The following MTUS2 variants were observed in gnomAD, a reference collection of about 807,000 sequenced individuals.
The protein encoded by MTUS2 is microtubule-associated tumor suppressor candidate 2.
A neutral mutation model predicts 114.1 loss-of-function variants in MTUS2; 40 were observed. That is an observed-to-expected ratio of 0.35 (90% CI 0.27 to 0.46). The LOEUF (loss-of-function observed/expected upper bound fraction) is 0.46. Ranked by LOEUF, MTUS2 falls within the 20% of genes least tolerant of loss-of-function variation. MTUS2 has a pLI of 1.00. For synonymous variants in MTUS2, 688 were observed against 672.0 expected, an observed-to-expected ratio of 1.02 and a Z score of -0.37; for missense variants, 1,679 against 1,705.4, an observed-to-expected ratio of 0.98 and a Z score of 0.27.
intron 2 of MTUS2, among the ~76,000 whole-genome samples, chr13:28,905,734 G>T (rs1408817071): frequency 6.7e-6 from 1 of 149,072 alleles, no homozygotes; most frequent in Admixed American, 6.7e-5. Flanking sequence ...TTGTGTCTCT[G>T]CCAGGCTTTG....
chr13:29,419,561 C>G (rs1226486527), intron 8 of MTUS2, among the ~76,000 whole-genome samples: 1 of 152,194 alleles, frequency 6.6e-6, no homozygotes, highest in African/African-American at 2.4e-5. Context: ...GGCCTTCCCA[C>G]ATGTCTCCAT....
intron 9 of MTUS2, among the ~76,000 whole-genome samples, chr13:29,448,987 C>T (rs1422413726): frequency 1.3e-5 from 2 of 152,004 alleles, no homozygotes; most frequent in Non-Finnish European, 2.9e-5. Flanking sequence ...CTCCTGACCT[C>T]AAGTGATCCG....
chr13:29,501,499 TG>T (rs1882900569), intron 15 of MTUS2, among the ~76,000 whole-genome samples: 1 of 152,080 alleles, frequency 6.6e-6, no homozygotes, highest in Non-Finnish European at 1.5e-5. Context: ...GCCAGCTGGG[TG>T]TTCCCAGGCT....
At chr13:29,305,181 G>T (rs564948310) in intron 6 of MTUS2, among the ~76,000 whole-genome samples, 56 of 152,152 alleles carry the variant, frequency 3.7e-4, no homozygotes, top group Non-Finnish European at 7.2e-4. Flanking sequence ...ATGTCAAAAA[G>T]CTAGAAAGAT....
chr13:29,432,339 T>C (rs1409233684), intron 8 of MTUS2, among the ~76,000 whole-genome samples: 1 of 152,158 alleles, frequency 6.6e-6, no homozygotes, highest in African/African-American at 2.4e-5. Context: ...CCAGGAGCTC[T>C]ACATGCACAG....
At chr13:29,265,276 A>G (rs187439167) in intron 5 of MTUS2, among the ~76,000 whole-genome samples, 6 of 152,256 alleles carry the variant, frequency 3.9e-5, no homozygotes, top group African/African-American at 1.4e-4. Flanking sequence ...ATTCCAATAC[A>G]TTCCTCATTT....
rs1305686988 is a variant in MTUS2, at chr13:29,399,129, G to A, written c.3117+39656G>A. Among the ~76,000 whole-genome samples, 4 of 152,166 alleles carry A rather than the reference G, an allele frequency of 2.6e-5. No homozygotes were observed. The East Asian group carries it at 7.7e-4, about 29-fold the overall frequency. On this transcript the variant is annotated intron_variant, in intron 8 of 15. Transcript: ENST00000612955. ...TTGATGATATGCTAAACAAGTGGTG[G>A]ATTATTCATGCTTCCCCTTTATAGA...
At chr13:29,394,147 A>G (rs958582251) in intron 8 of MTUS2, among the ~76,000 whole-genome samples, 10 of 152,218 alleles carry the variant, frequency 6.6e-5, no homozygotes, top group African/African-American at 2.2e-4. Flanking sequence ...TAAAATATTT[A>G]AAGAGGTTTA....
In MTUS2 at chr13:29,439,943, A is replaced by G. The variant is rs1292583652; in HGVS notation, c.3118-40A>G. 2.7e-6 allele frequency: 4 copies of G among 1,495,024 alleles called. No individual in the cohort carries two copies. In the East Asian group the frequency reaches 9.6e-5, roughly 36 times the overall value. 92.6% of individuals were successfully genotyped at this position (1,495,024 alleles called of 1,614,324 possible). A position where few individuals can be genotyped will look rare whatever the true frequency, so the allele number is the denominator to read the frequency against. ...TCATGTGAAAGTGCTTATCTAGCATAAAACTAGGGGACTCTCGGTATCCGT... is the reference window on the plus strand; with the variant it reads ...TCATGTGAAAGTGCTTATCTAGCATGAAACTAGGGGACTCTCGGTATCCGT... On this transcript the variant is annotated intron_variant, in intron 8 of 15. Transcript: ENST00000612955.
At chr13:29,295,300 T>G (rs1898891820) in intron 6 of MTUS2, among the ~76,000 whole-genome samples, 1 of 152,184 alleles carries the variant, frequency 6.6e-6, no homozygotes, top group African/African-American at 2.4e-5. Context: ...TTCTAGCTAT[T>G]TGAGAATATC....
chr13:29,043,080 A>G (rs867614950), intron 4 of MTUS2, among the ~76,000 whole-genome samples: 19 of 151,424 alleles, frequency 1.3e-4, no homozygotes, highest in Admixed American at 7.9e-4. Flanking sequence ...CCTTTTTCCA[A>G]TTTTTTGATG....
At chr13:29,144,302 CA>C (rs2139013265) in intron 5 of MTUS2, among the ~76,000 whole-genome samples, 1 of 152,076 alleles carries the variant, frequency 6.6e-6, no homozygotes, top group Non-Finnish European at 1.5e-5. Flanking sequence ...TTCAGGGTCT[CA>C]GAAAGCTGCA....
intron 5 of MTUS2, among the ~76,000 whole-genome samples, chr13:29,218,344 C>G (rs192910174): frequency 1.3e-5 from 2 of 152,208 alleles, no homozygotes; most frequent in African/African-American, 4.8e-5. Flanking sequence ...TTCTACCACA[C>G]ACAGTGACTT....
intron 2 of MTUS2, among the ~76,000 whole-genome samples, chr13:28,939,276 CT>C (rs1882093146): frequency 6.6e-6 from 1 of 152,160 alleles, no homozygotes; most frequent in African/African-American, 2.4e-5. Context: ...AAGCCAGTAT[CT>C]TTACAGCCAC....
intron 8 of MTUS2, among the ~76,000 whole-genome samples, chr13:29,439,542 A>G (rs1378322293): frequency 1.3e-5 from 2 of 152,216 alleles, no homozygotes; most frequent in Non-Finnish European, 1.5e-5. Context: ...TGTATGGACA[A>G]AAGGGTAAGT....
chr13:29,209,917 C>G (rs950070747), intron 5 of MTUS2, among the ~76,000 whole-genome samples: 15 of 152,156 alleles, frequency 9.9e-5, no homozygotes, highest in African/African-American at 3.4e-4. Flanking sequence ...AGGCAATTAT[C>G]TTTTTGCAAT....
intron 8 of MTUS2, among the ~76,000 whole-genome samples, chr13:29,438,173 G>A (rs887969577): frequency 5.9e-5 from 9 of 152,278 alleles, no homozygotes; most frequent in African/African-American, 1.7e-4. Flanking sequence ...CACAGTGGGT[G>A]TAGCATTAGA....
Position 29,071,409 on chromosome 13 carries a change from A to ATTT in MTUS2, c.2447-29332_2447-29330dup, listed in dbSNP as rs751020009. Among the ~76,000 whole-genome samples, 103 of 46,142 alleles carry ATTT rather than the reference A, an allele frequency of 2.2e-3. 21 individuals are homozygous for ATTT. Among genetic ancestry groups the ATTT allele is most frequent in the African/African-American group, 7.7e-3 (71 of 9,168 alleles). The allele number at this position is 46,142 out of a possible 152,430, so 30.3% of individuals were successfully genotyped here. ...TTTAAAAGATCTCTATGTTGCTTGA[A>ATTT]TTTTTTTTTTTTTTTTTTTTTTTTT... On this transcript the variant is annotated intron_variant, in intron 4 of 15. Coordinates refer to ENST00000612955, the MANE Select transcript of MTUS2 (RefSeq NM_001033602.4).
chr13:29,230,598 CAACTTCCTCAT>C (rs1173783478), intron 5 of MTUS2, among the ~76,000 whole-genome samples: 10 of 152,228 alleles, frequency 6.6e-5, no homozygotes, highest in African/African-American at 1.9e-4. Context: ...CTGATATAAG[CAACTTCCTCAT>C]AGTCAGAAGC....
Sources: allele counts gnomAD v4.1 joint callset (sites outside exome capture counted in the v4.1 genomes callset), GRCh38; gene constraint gnomAD v4.1.1; transcripts MANE v1.5; gene names NCBI Gene and HGNC (gene_info 2026-07-23, HGNC 2026-07-21).